PGAP1: variants seen among roughly 807,000 people sequenced by gnomAD.
PGAP1 encodes post-GPI attachment to proteins inositol deacylase 1, also known as GPI inositol-deacylase.
Under a neutral mutation model 127.0 loss-of-function variants are expected in PGAP1, and 76 were observed. That is an observed-to-expected ratio of 0.60 (90% CI 0.50 to 0.72). The LOEUF is 0.72. Among genes scored for constraint, PGAP1 ranks in the 30% least tolerant of loss-of-function variants. The pLI, the probability that PGAP1 is intolerant of heterozygous loss-of-function variation, is 0.00. For synonymous variants in PGAP1, 362 were observed against 366.5 expected, an observed-to-expected ratio of 0.99 and a Z score of 0.14; for missense variants, 982 against 1,071.3, an observed-to-expected ratio of 0.92 and a Z score of 1.16.
rs984583177 is a variant in PGAP1, at chr2:196,892,388, C to A, written c.1047G>T (p.Trp349Cys). The change falls in exon 9 of 27, where the codon TGG (tryptophan) becomes TGT (cysteine). Residue 349 changes from tryptophan (W) to cysteine (C), a missense_variant. Physicochemically the swap from Trp to Cys is radical, Grantham distance 215. Coordinates refer to ENST00000354764, the MANE Select transcript of PGAP1 (RefSeq NM_024989.4). ...TCCATTTGGACACTTTTACTAGAAC[C>A]CACATAGATGTCCCTGAAGGTAAAG... ...IISDLTGTSM[W>C]VLVKVSKWTY... The A allele has an allele frequency of 5.5e-6, 8 of 1,459,520 alleles. No homozygotes were observed. The highest frequency in any genetic ancestry group is 2.3e-5 in the East Asian group (1 of 42,730). The allele number at this position is 1,459,520 out of a possible 1,614,324, so 90.4% of individuals were successfully genotyped here. A position where few individuals can be genotyped will look rare whatever the true frequency, so the allele number is the denominator to read the frequency against.
At chr2:196,863,471 G>A (rs1701134410) in intron 20 of PGAP1, among the ~76,000 whole-genome samples, 1 of 152,192 alleles carries the variant, frequency 6.6e-6, no homozygotes, top group African/African-American at 2.4e-5. Flanking sequence ...GTCAGGCATA[G>A]AAAGACAAAT....
chr2:196,903,127 A>G (rs1702552263), intron 4 of PGAP1, among the ~76,000 whole-genome samples: 1 of 152,200 alleles, frequency 6.6e-6, no homozygotes, highest in South Asian at 2.1e-4. Flanking sequence ...CTAGAGTTGT[A>G]GACATTTGTG....
intron 7 of PGAP1, among the ~76,000 whole-genome samples, chr2:196,895,302 T>C (rs1702236585): frequency 6.6e-6 from 1 of 152,234 alleles, no homozygotes; most frequent in Non-Finnish European, 1.5e-5. Context: ...ATTAGTTTTA[T>C]GTCCAATTTT....
In PGAP1 at chr2:196,851,577, T is replaced by C. The variant is rs7570889; in HGVS notation, c.1862-3540A>G. Among the ~76,000 whole-genome samples, 907 of 152,292 alleles carry C rather than the reference T, an allele frequency of 6.0e-3. 6 individuals carry two copies. Among genetic ancestry groups the C allele is most frequent in the African/African-American group, 0.021 (871 of 41,564 alleles). On this transcript the variant is annotated intron_variant, in intron 20 of 26. Coordinates refer to ENST00000354764, the MANE Select transcript of PGAP1 (RefSeq NM_024989.4). ...TTTCTTTTAGAGAGCCCCTCTCTGT[T>C]TGTTATTTAGGTTGACATGAAGAGT... is the stretch of plus-strand genomic sequence containing the variant.
At chr2:196,884,367 C>T (rs992022099) in intron 12 of PGAP1, among the ~76,000 whole-genome samples, 5 of 152,086 alleles carry the variant, frequency 3.3e-5, no homozygotes, top group African/African-American at 1.2e-4. Context: ...CAGTGAGAAA[C>T]CTTAAAAATG....
chr2:196,872,304 T>C (rs1701431224), intron 18 of PGAP1, 137 bp downstream of exon 18: 2 of 580,530 alleles, frequency 3.4e-6, no homozygotes, highest in African/African-American at 1.9e-5. Context: ...AAATGAAGAA[T>C]ATTTAAAATA....
Position 196,847,822 on chromosome 2 carries a change from A to C in PGAP1, c.1952+125T>G, listed in dbSNP as rs1415109297. On this transcript the variant is annotated intron_variant, in intron 21 of 26. Coordinates refer to ENST00000354764, the MANE Select transcript of PGAP1 (RefSeq NM_024989.4). Reference sequence around the variant, plus strand: ...AGACCTTTGCCTAAGAGAAAAAAAAAACCTCATTTAATGAAACAAGTCAAC... The same window carrying C: ...AGACCTTTGCCTAAGAGAAAAAAAACACCTCATTTAATGAAACAAGTCAAC... 9 of 626,160 alleles carry C rather than the reference A, an allele frequency of 1.4e-5. No individual in the cohort carries two copies. In the Admixed American group the frequency reaches 2.6e-4, roughly 18 times the overall value. 38.8% of individuals were successfully genotyped at this position (626,160 alleles called of 1,614,324 possible).
At chr2:196,873,610 T>G (rs1701472383) in intron 15 of PGAP1, 31 bp from the exon 16 acceptor site, 2 of 1,603,122 alleles carry the variant, frequency 1.2e-6, no homozygotes, top group Non-Finnish European at 1.7e-6. Flanking sequence ...AAACAAAATA[T>G]AAAGGTTTAC....
chr2:196,869,936 CA>C (rs983014699), intron 19 of PGAP1, among the ~76,000 whole-genome samples: 2 of 151,116 alleles, frequency 1.3e-5, no homozygotes, highest in Non-Finnish European at 1.5e-5. Context: ...TACAACAGAC[CA>C]AAAAAAAGTG....
chr2:196,920,518 G>A (rs748016459), intron 1 of PGAP1, among the ~76,000 whole-genome samples: 17 of 151,978 alleles, frequency 1.1e-4, no homozygotes, highest in Non-Finnish European at 1.6e-4. Flanking sequence ...AATGATAAAG[G>A]CTTTCCATCA....
chr2:196,901,861 A>T lies in PGAP1; in HGVS notation c.807+724T>A, dbSNP rs534533359. ...ATATTCCACTATGATTATATCTAGT[A>T]CAACACTCAGATATAACTGGATTCC... On this transcript the variant is annotated intron_variant, in intron 5 of 26. Transcript: ENST00000354764. Among the ~76,000 whole-genome samples, 18 of 152,346 alleles carry T rather than the reference A, an allele frequency of 1.2e-4. No homozygotes were observed. In the South Asian group the frequency reaches 3.5e-3, roughly 30 times the overall value.
rs1037840345 is a variant in PGAP1 at position 196,834,185 on chromosome 2, C to T, written c.*7049G>A. The T allele has an allele frequency of 6.6e-6, 1 of 152,002 alleles. No homozygotes were observed. The highest frequency in any genetic ancestry group is 2.4e-5 in the African/African-American group (1 of 41,432). 9.4% of individuals were successfully genotyped at this position (152,002 alleles called of 1,614,324 possible). A position where few individuals can be genotyped will look rare whatever the true frequency, so the allele number is the denominator to read the frequency against. On this transcript the variant is annotated 3_prime_UTR_variant, in exon 27 of 27. Transcript: ENST00000354764. ...AAGTTCAGAACAATGCTACCACCTT[C>T]TCCTAGAATATTTTTTCAGAAACCT...
At chr2:196,866,619 A>G (rs1455363912) in intron 19 of PGAP1, among the ~76,000 whole-genome samples, 2 of 152,228 alleles carry the variant, frequency 1.3e-5, no homozygotes, top group African/African-American at 4.8e-5. Flanking sequence ...AAATTGGCAA[A>G]TGGGATCTAA....
At chr2:196,922,859 AT>A (rs560941460) in intron 1 of PGAP1, among the ~76,000 whole-genome samples, 7 of 146,002 alleles carry the variant, frequency 4.8e-5, no homozygotes, top group Non-Finnish European at 6.1e-5. Flanking sequence ...AATTTTTTGA[AT>A]TTTTTTTTTA....
intron 3 of PGAP1, among the ~76,000 whole-genome samples, chr2:196,914,268 T>C (rs1702928815): frequency 6.6e-6 from 1 of 152,180 alleles, no homozygotes; most frequent in Non-Finnish European, 1.5e-5. Context: ...AATAACTCCC[T>C]TTTAATTCTC....
intron 20 of PGAP1, among the ~76,000 whole-genome samples, chr2:196,852,847 C>A (rs758918215): frequency 5.9e-4 from 89 of 151,994 alleles, no homozygotes; most frequent in Middle Eastern, 3.4e-3. Flanking sequence ...AATACTTGGA[C>A]AAGACAGAAA....
intron 1 of PGAP1, chr2:196,922,672 CTTTTTTTTTT>C (rs763237138): frequency 1.7e-5 from 2 of 115,240 alleles, no homozygotes; most frequent in East Asian, 2.5e-4. Flanking sequence ...TTCTTACCTA[CTTTTTTTTTT>C]TTTTTTTTTT....
At chr2:196,926,359 CA>C (rs1703360007) in intron 1 of PGAP1, 110 bp downstream of exon 1, 2 of 1,530,196 alleles carry the variant, frequency 1.3e-6, no homozygotes, top group Non-Finnish European at 1.8e-6. Context: ...GAGGACGGGA[CA>C]GGGGGCCCGA....
intron 10 of PGAP1, among the ~76,000 whole-genome samples, chr2:196,886,453 G>A (rs1442888740): frequency 2.6e-5 from 4 of 151,834 alleles, no homozygotes; most frequent in South Asian, 2.1e-4. Context: ...GAGCCACCAC[G>A]CCTCGCCATC....
Sources: gnomAD v4.1 joint callset for allele counts (sites outside exome capture counted in the v4.1 genomes callset) on GRCh38, gnomAD v4.1.1 for gene constraint, MANE v1.5 for transcripts, NCBI Gene and HGNC (gene_info 2026-07-23, HGNC 2026-07-21) for gene names.